The following SV2C variants were observed in gnomAD, a reference collection of about 807,000 sequenced individuals.
SV2C encodes synaptic vesicle glycoprotein 2C.
A neutral mutation model predicts 79.7 loss-of-function variants in SV2C; 49 were observed. That is an observed-to-expected ratio of 0.61 (90% CI 0.49 to 0.78). SV2C has a LOEUF of 0.78. SV2C is among the 30% of genes least tolerant of loss of function. SV2C has a pLI of 0.00. For missense variants in SV2C, 833 were observed against 912.9 expected, an observed-to-expected ratio of 0.91 and a Z score of 1.13; for synonymous variants, 334 against 333.2, an observed-to-expected ratio of 1.00 and a Z score of -0.03.
At chr5:76,106,809 TC>T (rs1285820153) in intron 1 of SV2C, among the ~76,000 whole-genome samples, 5 of 152,148 alleles carry the variant, frequency 3.3e-5, no homozygotes, top group Non-Finnish European at 5.9e-5. Context: ...CTTGCCTTAC[TC>T]TTTTTTTTCA....
At chr5:75,971,875 CT>C in the SV2C span, among the ~76,000 whole-genome samples, 6 of 152,182 alleles carry the variant, frequency 3.9e-5, no homozygotes, top group East Asian at 1.2e-3. Flanking sequence ...CAAGTCAATC[CT>C]AAGCCAAAAG....
At chr5:76,058,224 C>T in the SV2C span, among the ~76,000 whole-genome samples, 6 of 152,202 alleles carry the variant, frequency 3.9e-5, no homozygotes, top group East Asian at 1.2e-3. Flanking sequence ...ACCTGAGCTT[C>T]CTTAATTGAA....
At chr5:76,209,916 C>G (rs1465806897) in intron 4 of SV2C, 29 bp downstream of exon 4, 6 of 1,587,800 alleles carry the variant, frequency 3.8e-6, no homozygotes, top group Non-Finnish European at 5.1e-6. Flanking sequence ...CCCAGCTGGG[C>G]AGTCACTTCA....
intron 4 of SV2C, among the ~76,000 whole-genome samples, chr5:76,267,428 A>T (rs932993640): frequency 1.3e-5 from 2 of 152,158 alleles, no homozygotes; most frequent in African/African-American, 4.8e-5. Flanking sequence ...CAATATGATG[A>T]TTTTTTTCAT....
At chr5:76,148,829 A>G (rs571313755) in intron 2 of SV2C, among the ~76,000 whole-genome samples, 1 of 152,274 alleles carries the variant, frequency 6.6e-6, no homozygotes, top group Admixed American at 6.5e-5. Context: ...TGTTCTGACT[A>G]TTCCTGGGAG....
chr5:76,142,102 G>A (rs1256952295), intron 2 of SV2C, among the ~76,000 whole-genome samples: 3 of 152,096 alleles, frequency 2.0e-5, no homozygotes, highest in African/African-American at 7.2e-5. Context: ...TCATCTTAAC[G>A]AATTAGTCTG....
the SV2C span, among the ~76,000 whole-genome samples, chr5:76,006,054 T>A: frequency 3.3e-5 from 5 of 152,134 alleles, no homozygotes; most frequent in Non-Finnish European, 5.9e-5. Flanking sequence ...ACGGAAGCAG[T>A]TTCCTCAGGG....
the SV2C span, among the ~76,000 whole-genome samples, chr5:76,040,045 G>T: frequency 1.3e-5 from 2 of 152,096 alleles, no homozygotes; most frequent in East Asian, 3.8e-4. Flanking sequence ...ATACATGTAC[G>T]TATATGTGTA....
chr5:76,147,819 C>T (rs990315017), intron 2 of SV2C, among the ~76,000 whole-genome samples: 4 of 152,042 alleles, frequency 2.6e-5, no homozygotes, highest in Non-Finnish European at 4.4e-5. Flanking sequence ...TTTGCTTAAG[C>T]TTATTTTTTA....
chr5:75,919,634 T>C, the SV2C span, among the ~76,000 whole-genome samples: 2 of 152,164 alleles, frequency 1.3e-5, no homozygotes, highest in African/African-American at 4.8e-5. Context: ...CTAATTAAAC[T>C]CCTCTCCATC....
chr5:76,277,722 C>A (rs1318363396), intron 4 of SV2C, among the ~76,000 whole-genome samples: 1 of 150,884 alleles, frequency 6.6e-6, no homozygotes, highest in African/African-American at 2.4e-5. Context: ...CACGCCACTG[C>A]ACGCCAGCCT....
intron 1 of SV2C, among the ~76,000 whole-genome samples, chr5:76,096,906 C>T (rs1747582069): frequency 6.6e-6 from 1 of 152,154 alleles, no homozygotes; most frequent in African/African-American, 2.4e-5. Flanking sequence ...TTAAATTATA[C>T]CATTGACCCT....
the SV2C span, among the ~76,000 whole-genome samples, chr5:75,850,441 A>AT: frequency 6.6e-6 from 1 of 152,078 alleles, no homozygotes; most frequent in African/African-American, 2.4e-5. Context: ...CTAGCTTCTT[A>AT]TTTTTTTCTA....
Position 76,132,177 on chromosome 5 carries a change from CAAG to C in SV2C, c.430_432del (p.Glu144del), listed in dbSNP as rs1294430580. 1 of 1,614,052 alleles carries C rather than the reference CAAG, an allele frequency of 6.2e-7. No homozygotes were observed. The highest frequency in any genetic ancestry group is 8.5e-7 in the Non-Finnish European group (1 of 1,180,044). On this transcript the variant is annotated inframe_deletion, in exon 2 of 13. Transcript: ENST00000502798. ...AGCCCAGCAGTATGAGCTGATAATC[CAAG>C]AATGCGGTCATGGTCGTTTTCAGTG...
the SV2C span, among the ~76,000 whole-genome samples, chr5:76,047,200 A>G: frequency 2.0e-5 from 3 of 152,316 alleles, no homozygotes; most frequent in East Asian, 3.9e-4. Flanking sequence ...CAGCACCTAA[A>G]TTAAGAAGCA....
the SV2C span, among the ~76,000 whole-genome samples, chr5:76,001,878 G>A: frequency 6.6e-6 from 1 of 152,066 alleles, no homozygotes; most frequent in Non-Finnish European, 1.5e-5. Flanking sequence ...GGCGATTTCT[G>A]AGATTTTGGT....
In SV2C at chr5:76,210,011, T is replaced by C. The variant is rs141158623; in HGVS notation, c.913+124T>C. ...ACTACTCATCATCATGTTTCTCCCT[T>C]TCATAGTGTCCAGGAGTTTTTCCCC... On this transcript the variant is annotated intron_variant, in intron 4 of 12. Transcript: ENST00000502798. 3.6e-4 allele frequency: 431 copies of C among 1,193,932 alleles called. No homozygotes were observed. The African/African-American group carries it at 5.9e-3, about 16-fold the overall frequency. The allele number at this position is 1,193,932 out of a possible 1,614,324, so 74.0% of individuals were successfully genotyped here.
At chr5:75,894,097 C>T in the SV2C span, among the ~76,000 whole-genome samples, 1 of 151,990 alleles carries the variant, frequency 6.6e-6, no homozygotes, top group African/African-American at 2.4e-5. Context: ...TAGAATTATT[C>T]ATTACGTTGG....
chr5:75,959,595 T>C, the SV2C span, among the ~76,000 whole-genome samples: 1 of 152,022 alleles, frequency 6.6e-6, no homozygotes, highest in Non-Finnish European at 1.5e-5. Context: ...TGCAAACACA[T>C]CAGCAAGTTA....
Sources: gnomAD v4.1 joint callset for allele counts (sites outside exome capture counted in the v4.1 genomes callset) on GRCh38, gnomAD v4.1.1 for gene constraint, MANE v1.5 for transcripts, NCBI Gene and HGNC (gene_info 2026-07-23, HGNC 2026-07-21) for gene names.